The following PEPD variants were observed in gnomAD, a reference collection of about 807,000 sequenced individuals.
The protein encoded by PEPD is xaa-Pro dipeptidase.
PEPD carries 53 observed loss-of-function variants against 60.7 expected under a neutral mutation model. The observed-to-expected ratio is 0.87, with a 90% CI of 0.70 to 1.10. The LOEUF (loss-of-function observed/expected upper bound fraction) is 1.10. Among genes scored for constraint, PEPD ranks in the 50% least tolerant of loss-of-function variants. The probability of loss-of-function intolerance (pLI) is 0.00; values close to 1 mark genes in which losing one functional copy is unlikely to be tolerated. For synonymous variants in PEPD, 267 were observed against 284.1 expected, an observed-to-expected ratio of 0.94 and a Z score of 0.60; for missense variants, 711 against 711.9, an observed-to-expected ratio of 1.00 and a Z score of 0.01.
chr19:33,434,454 G>A (rs564637307), intron 9 of PEPD, among the ~76,000 whole-genome samples: 1 of 152,096 alleles, frequency 6.6e-6, no homozygotes, highest in Admixed American at 6.5e-5. Context: ...AAACTTTGAA[G>A]CTCATCACTT....
At chr19:33,459,830 C>T (rs1969894171) in intron 9 of PEPD, among the ~76,000 whole-genome samples, 2 of 152,166 alleles carry the variant, frequency 1.3e-5, no homozygotes, top group African/African-American at 4.8e-5. Context: ...GACTCCTGCC[C>T]CGAGTCCTGA....
At chr19:33,486,336 C>T (rs995450193) in intron 6 of PEPD, among the ~76,000 whole-genome samples, 6 of 151,628 alleles carry the variant, frequency 4.0e-5, no homozygotes, top group African/African-American at 1.5e-4. Context: ...CTGCCAGAGC[C>T]CGCAGCAAAG....
At chr19:33,460,466 G>C (rs561787762) in intron 9 of PEPD, among the ~76,000 whole-genome samples, 4 of 152,152 alleles carry the variant, frequency 2.6e-5, no homozygotes, top group Admixed American at 6.5e-5. Context: ...GATACTCCAT[G>C]ATGTGACACT....
chr19:33,431,398 A>C (rs1383314824), intron 9 of PEPD, among the ~76,000 whole-genome samples: 1 of 152,210 alleles, frequency 6.6e-6, no homozygotes, highest in African/African-American at 2.4e-5. Context: ...GCCCATCTTC[A>C]TCATCCCAAA....
chr19:33,407,553 C>T (rs1353866713), intron 11 of PEPD, among the ~76,000 whole-genome samples: 1 of 152,200 alleles, frequency 6.6e-6, no homozygotes, highest in East Asian at 1.9e-4. Flanking sequence ...TTAGGAATGG[C>T]CTCCAGTGAT....
chr19:33,477,766 GCTAT>G (rs1166316881), intron 7 of PEPD, among the ~76,000 whole-genome samples: 1 of 152,232 alleles, frequency 6.6e-6, no homozygotes, highest in Non-Finnish European at 1.5e-5. Context: ...TCGTGCTGGA[GCTAT>G]CTAAGTTTGG....
chr19:33,497,788 A>G (rs1160416861), intron 4 of PEPD, among the ~76,000 whole-genome samples: 1 of 152,168 alleles, frequency 6.6e-6, no homozygotes, highest in African/African-American at 2.4e-5. Flanking sequence ...CAGGGGGTTC[A>G]GTCCAGCAAG....
rs775048548 is a variant in PEPD at position 33,521,732 on chromosome 19, C to A, written c.17+12G>T. The A allele has an allele frequency of 5.1e-6, 8 of 1,580,176 alleles. No individual in the cohort carries two copies. Among genetic ancestry groups the A allele is most frequent in the South Asian group, 2.3e-5 (2 of 86,974 alleles). ...CGCCAGCGGGAAAGAGCGAGGGAGG[C>A]GCAGCACTCACCCGGTGGCCGCCGC... On this transcript the variant is annotated intron_variant, in intron 1 of 14. Coordinates refer to ENST00000244137, the MANE Select transcript of PEPD (RefSeq NM_000285.4).
At chr19:33,487,960 A>G (rs1160850322) in intron 6 of PEPD, among the ~76,000 whole-genome samples, 3 of 151,856 alleles carry the variant, frequency 2.0e-5, no homozygotes, top group African/African-American at 7.3e-5. Context: ...CCAGGGCCCC[A>G]CCTGCCTTCC....
At chr19:33,403,329 G>T (rs1046016434) in intron 11 of PEPD, among the ~76,000 whole-genome samples, 1 of 152,240 alleles carries the variant, frequency 6.6e-6, no homozygotes, top group African/African-American at 2.4e-5. Context: ...CACCACGTCT[G>T]CAGGGTCCAG....
At chr19:33,402,831 G>A (rs538809412) in intron 11 of PEPD, among the ~76,000 whole-genome samples, 13 of 152,322 alleles carry the variant, frequency 8.5e-5, no homozygotes, top group African/African-American at 2.9e-4. Flanking sequence ...GACAGATGGC[G>A]TGGGACAGAC....
At chr19:33,461,793 A>C (rs1480326543) in intron 9 of PEPD, among the ~76,000 whole-genome samples, 1 of 152,180 alleles carries the variant, frequency 6.6e-6, no homozygotes, top group Non-Finnish European at 1.5e-5. Context: ...GAGACCACGC[A>C]GACGCAAGTG....
chr19:33,487,633 GC>G (rs1970420584), intron 6 of PEPD, among the ~76,000 whole-genome samples: 1 of 152,214 alleles, frequency 6.6e-6, no homozygotes, highest in Non-Finnish European at 1.5e-5. Flanking sequence ...CAGCTGAGGG[GC>G]CGGGTGAGCA....
intron 9 of PEPD, among the ~76,000 whole-genome samples, chr19:33,461,490 G>C (rs1260971666): frequency 2.0e-5 from 3 of 152,126 alleles, no homozygotes; most frequent in African/African-American, 7.2e-5. Flanking sequence ...CTTGGGAGCA[G>C]GACTGCCTGC....
At chr19:33,496,114 G>C (rs899286440) in intron 4 of PEPD, among the ~76,000 whole-genome samples, 14 of 152,172 alleles carry the variant, frequency 9.2e-5, no homozygotes, top group Admixed American at 7.2e-4. Flanking sequence ...GTGTTGTTAC[G>C]TTGATGTGAA....
chr19:33,406,867 G>C (rs1464954010), intron 11 of PEPD, among the ~76,000 whole-genome samples: 1 of 151,948 alleles, frequency 6.6e-6, no homozygotes, highest in Non-Finnish European at 1.5e-5. Flanking sequence ...GAGGGGAAGA[G>C]GGCACTGGTG....
At chr19:33,395,557 C>T (rs182610641) in intron 12 of PEPD, among the ~76,000 whole-genome samples, 2 of 152,302 alleles carry the variant, frequency 1.3e-5, no homozygotes, top group Non-Finnish European at 2.9e-5. Context: ...GTGTGGCCAG[C>T]GTAGCCCCTG....
chr19:33,392,743 G>A (rs539064086), intron 12 of PEPD, among the ~76,000 whole-genome samples: 1 of 152,236 alleles, frequency 6.6e-6, no homozygotes, highest in Non-Finnish European at 1.5e-5. Context: ...GAGGGGCCGG[G>A]GAGACCCTGA....
At chr19:33,512,204 TG>T (rs1370771953) in intron 2 of PEPD, among the ~76,000 whole-genome samples, 1 of 152,202 alleles carries the variant, frequency 6.6e-6, no homozygotes, top group African/African-American at 2.4e-5. Flanking sequence ...CTCCACCTCT[TG>T]GCAAGTCATT....
Sources: allele counts gnomAD v4.1 joint callset (sites outside exome capture counted in the v4.1 genomes callset), GRCh38; gene constraint gnomAD v4.1.1; transcripts MANE v1.5; gene names NCBI Gene and HGNC (gene_info 2026-07-23, HGNC 2026-07-21).